Variants in MNAT1 observed in about 807,000 individuals in gnomAD.
MNAT1 encodes the protein MNAT1 component of CDK activating kinase.
In MNAT1, 43 loss-of-function variants were observed where a neutral mutation model predicts 42.0. The observed-to-expected ratio is 1.02, with a 90% confidence interval of 0.80 to 1.32. The LOEUF is 1.32. MNAT1 is among the 40% of genes most tolerant of loss of function. The probability of loss-of-function intolerance (pLI) is 0.00; values close to 1 mark genes in which losing one functional copy is unlikely to be tolerated. For synonymous variants in MNAT1, 118 were observed against 120.0 expected (o/e 0.98, Z 0.11); for missense variants, 306 against 350.4 (o/e 0.87, Z 1.01).
At chr14:60,928,706 G>T (rs2035815823) in intron 7 of MNAT1, among the ~76,000 whole-genome samples, 1 of 151,756 alleles carries the variant, frequency 6.6e-6, no homozygotes, top group South Asian at 2.1e-4. Context: ...TTATTATAAA[G>T]TTACAAAAAG....
intron 6 of MNAT1, among the ~76,000 whole-genome samples, chr14:60,826,932 C>G (rs1163876532): frequency 6.6e-6 from 1 of 151,732 alleles, no homozygotes; most frequent in Non-Finnish European, 1.5e-5. Context: ...AATATCCATG[C>G]AAGTAAATCT....
intron 7 of MNAT1, among the ~76,000 whole-genome samples, chr14:60,910,219 T>A (rs1056059050): frequency 1.3e-5 from 2 of 152,198 alleles, no homozygotes; most frequent in Non-Finnish European, 2.9e-5. Flanking sequence ...TTAAGGAGAT[T>A]TTGGGCCGAG....
intron 7 of MNAT1, among the ~76,000 whole-genome samples, chr14:60,947,295 T>A (rs1447603669): frequency 6.6e-6 from 1 of 152,092 alleles, no homozygotes; most frequent in East Asian, 1.9e-4. Context: ...TCCAGAGCCC[T>A]GATAATTTGG....
At chr14:60,909,548 C>G (rs2035296887) in intron 7 of MNAT1, among the ~76,000 whole-genome samples, 1 of 152,084 alleles carries the variant, frequency 6.6e-6, no homozygotes. Flanking sequence ...ATATGGTTAG[C>G]CAGTTTTCCC....
At chr14:60,745,569 A>G (rs1022036140) in intron 1 of MNAT1, among the ~76,000 whole-genome samples, 1 of 152,058 alleles carries the variant, frequency 6.6e-6, no homozygotes, top group East Asian at 1.9e-4. Context: ...GGTGTGTACC[A>G]CCACGCCTGG....
intron 6 of MNAT1, among the ~76,000 whole-genome samples, chr14:60,826,954 G>A (rs540232077): frequency 1.3e-5 from 2 of 151,920 alleles, no homozygotes; most frequent in East Asian, 3.9e-4. Context: ...AGTCTTTTGG[G>A]AACAAGCGAA....
Position 60,737,925 on chromosome 14 carries a change from T to C in MNAT1, c.89+2974T>C, listed in dbSNP as rs549024084. Among the ~76,000 whole-genome samples the C allele has an allele frequency of 2.6e-5, 4 of 151,050 alleles. No homozygotes were observed. The East Asian group carries it at 5.9e-4, about 22-fold the overall frequency. The stretch of plus-strand genomic sequence containing the variant: ...GTGCAGTGGCGCAATCTCGGCTCAC[T>C]GCAAGCTCCGCCTCCCGGGTTCACG... On this transcript the variant is annotated intron_variant, in intron 1 of 7. Coordinates refer to ENST00000261245, the MANE Select transcript of MNAT1 (RefSeq NM_002431.4).
intron 7 of MNAT1, among the ~76,000 whole-genome samples, chr14:60,925,191 C>A (rs749394987): frequency 1.1e-4 from 16 of 152,058 alleles, no homozygotes; most frequent in Admixed American, 2.6e-4. Context: ...ATTTATAATA[C>A]GTTGTATTAG....
chr14:60,768,901 C>T (rs901271006), intron 1 of MNAT1, among the ~76,000 whole-genome samples: 2 of 152,072 alleles, frequency 1.3e-5, no homozygotes, highest in Admixed American at 6.6e-5. Context: ...ATGATGGCAA[C>T]GCTATGTGCA....
chr14:60,796,051 C>T (rs1237580771), intron 1 of MNAT1, among the ~76,000 whole-genome samples, 166 bp from the exon 2 acceptor site: 1 of 152,116 alleles, frequency 6.6e-6, no homozygotes, highest in Non-Finnish European at 1.5e-5. Flanking sequence ...GAAAAGTAAG[C>T]TCCAAATGAA....
intron 3 of MNAT1, among the ~76,000 whole-genome samples, chr14:60,805,223 C>CT (rs1555375867): frequency 7.5e-6 from 1 of 133,482 alleles, no homozygotes; most frequent in African/African-American, 2.7e-5. Context: ...TTTCTTTTTT[C>CT]TTTTTTTTTA....
intron 6 of MNAT1, among the ~76,000 whole-genome samples, chr14:60,852,230 C>A (rs2033841216): frequency 6.6e-6 from 1 of 152,194 alleles, no homozygotes; most frequent in African/African-American, 2.4e-5. Context: ...GCCATTCTCA[C>A]TGGTGTGAGA....
chr14:60,943,077 G>T, intron 7 of MNAT1, among the ~76,000 whole-genome samples: 1 of 113,318 alleles, frequency 8.8e-6, no homozygotes, highest in Non-Finnish European at 1.7e-5. Flanking sequence ...TTTTTGAGAC[G>T]GAGTCTTGCT....
intron 7 of MNAT1, among the ~76,000 whole-genome samples, chr14:60,929,019 T>G (rs2035823650): frequency 6.6e-6 from 1 of 150,564 alleles, no homozygotes; most frequent in African/African-American, 2.4e-5. Context: ...TGGTCGCATG[T>G]GCCTGTAGTC....
intron 1 of MNAT1, among the ~76,000 whole-genome samples, chr14:60,768,322 T>C (rs1239393604): frequency 1.3e-5 from 2 of 152,254 alleles, no homozygotes; most frequent in Non-Finnish European, 2.9e-5. Context: ...GGTGGTTGTC[T>C]TCAATAGTAT....
intron 6 of MNAT1, among the ~76,000 whole-genome samples, chr14:60,839,050 C>T (rs1391927225): frequency 6.6e-6 from 1 of 152,042 alleles, no homozygotes; most frequent in Non-Finnish European, 1.5e-5. Context: ...CCCTGGACAA[C>T]ATGATTGATT....
At chr14:60,965,503 G>C (rs1375970084) in intron 7 of MNAT1, among the ~76,000 whole-genome samples, 1 of 152,160 alleles carries the variant, frequency 6.6e-6, no homozygotes, top group Non-Finnish European at 1.5e-5. Flanking sequence ...AGGTTTCTCA[G>C]GATAACATAT....
At chr14:60,906,703 A>T (rs2035207866) in intron 7 of MNAT1, among the ~76,000 whole-genome samples, 1 of 152,182 alleles carries the variant, frequency 6.6e-6, no homozygotes, top group East Asian at 1.9e-4. Flanking sequence ...GAGATTTTTT[A>T]AAATAATAAA....
intron 2 of MNAT1, among the ~76,000 whole-genome samples, chr14:60,797,545 C>G (rs539784776): frequency 2.7e-4 from 41 of 152,094 alleles, no homozygotes; most frequent in Non-Finnish European, 4.6e-4. Context: ...GCATATTGTA[C>G]CATTTTCTCC....
Sources: gnomAD v4.1 joint callset for allele counts (sites outside exome capture counted in the v4.1 genomes callset) on GRCh38, gnomAD v4.1.1 for gene constraint, MANE v1.5 for transcripts, NCBI Gene and HGNC (gene_info 2026-07-23, HGNC 2026-07-21) for gene names.